PCDH9: variants seen among roughly 807,000 people sequenced by gnomAD.
PCDH9 encodes the protein protocadherin 9.
Under a neutral mutation model 70.6 loss-of-function variants are expected in PCDH9, and 24 were observed. The observed-to-expected ratio is 0.34, with a 90% CI of 0.25 to 0.48. The LOEUF (loss-of-function observed/expected upper bound fraction) is 0.48. PCDH9 is among the 20% of genes least tolerant of loss of function. The pLI, the probability that PCDH9 is intolerant of heterozygous loss-of-function variation, is 0.99. For missense variants in PCDH9, 1,281 were observed against 1,503.6 expected (o/e 0.85, Z 2.45); for synonymous variants, 562 against 558.5 (o/e 1.01, Z -0.09).
chr13:66,975,957 C>A (rs1209969689), intron 2 of PCDH9, among the ~76,000 whole-genome samples: 5 of 151,896 alleles, frequency 3.3e-5, no homozygotes, highest in African/African-American at 1.2e-4. Context: ...TACAGTTAAT[C>A]ACAGAAAACA....
chr13:66,853,341 T>TTCCAAATTTC (rs2139460170), intron 3 of PCDH9, among the ~76,000 whole-genome samples: 1 of 152,136 alleles, frequency 6.6e-6, no homozygotes, highest in Admixed American at 6.5e-5. Flanking sequence ...ACTTCACTCT[T>TTCCAAATTTC]TCCAAATTTC....
chr13:66,919,144 C>T (rs1002989121), intron 2 of PCDH9, among the ~76,000 whole-genome samples: 1 of 151,148 alleles, frequency 6.6e-6, no homozygotes, highest in Non-Finnish European at 1.5e-5. Context: ...TTTAGTATTT[C>T]TCTGGGGAAC....
chr13:67,129,309 T>C (rs548704097), intron 2 of PCDH9, among the ~76,000 whole-genome samples: 1 of 152,212 alleles, frequency 6.6e-6, no homozygotes, highest in African/African-American at 2.4e-5. Context: ...ATTATATTCA[T>C]GGTAATTATG....
chr13:66,410,740 A>T (rs1341214869), intron 4 of PCDH9, among the ~76,000 whole-genome samples: 2 of 152,208 alleles, frequency 1.3e-5, no homozygotes, highest in African/African-American at 2.4e-5. Flanking sequence ...GAATCATTTC[A>T]TTCTTTTTGT....
intron 2 of PCDH9, among the ~76,000 whole-genome samples, chr13:66,969,126 A>C (rs1452960623): frequency 6.6e-6 from 1 of 152,054 alleles, no homozygotes; most frequent in Non-Finnish European, 1.5e-5. Context: ...CAATTTTTTC[A>C]AAATTAAAAA....
Position 66,322,251 on chromosome 13 carries a change from C to T in PCDH9, c.3341-17223G>A, listed in dbSNP as rs149857746. 4.1e-4 allele frequency among the ~76,000 whole-genome samples: 63 copies of T among 152,022 alleles called. No individual in the cohort carries two copies. The East Asian group carries it at 0.012, about 28-fold the overall frequency. Reference sequence around the variant, plus strand: ...CCAAGTGAATGGAGAAAAGCCAAGCCATTCCATTCCCTCTGGTTATCTCAA... The same window carrying T: ...CCAAGTGAATGGAGAAAAGCCAAGCTATTCCATTCCCTCTGGTTATCTCAA... On this transcript the variant is annotated intron_variant, in intron 4 of 4. Coordinates refer to ENST00000377865, the MANE Select transcript of PCDH9 (RefSeq NM_203487.3).
chr13:66,606,317 T>A (rs544829089), intron 4 of PCDH9, among the ~76,000 whole-genome samples: 5 of 152,232 alleles, frequency 3.3e-5, no homozygotes, highest in South Asian at 2.1e-4. Flanking sequence ...GTGCCTCCTG[T>A]GTGTAGGCAT....
chr13:66,544,779 T>C (rs926985190), intron 4 of PCDH9, among the ~76,000 whole-genome samples: 5 of 152,106 alleles, frequency 3.3e-5, no homozygotes, highest in Admixed American at 2.6e-4. Flanking sequence ...TTGTAAACTG[T>C]CATGAGATTG....
chr13:66,846,004 C>A (rs2081201322), intron 3 of PCDH9, among the ~76,000 whole-genome samples: 1 of 151,858 alleles, frequency 6.6e-6, no homozygotes, highest in South Asian at 2.1e-4. Flanking sequence ...ACAATGATAG[C>A]TGATAATGTC....
chr13:66,407,067 T>C (rs886498928), intron 4 of PCDH9, among the ~76,000 whole-genome samples: 12 of 152,190 alleles, frequency 7.9e-5, no homozygotes, highest in African/African-American at 1.4e-4. Flanking sequence ...ATCTCACTTA[T>C]AGTCTAAAAG....
At position 66,837,005 on chromosome 13, in the gene PCDH9, C is replaced by T. The variant is rs77665874; in HGVS notation, c.3138+66499G>A. Among the ~76,000 whole-genome samples the T allele has an allele frequency of 3.9e-3, 589 of 152,266 alleles. 16 individuals are homozygous for T. The East Asian group carries it at 0.039, about 10-fold the overall frequency. ...GTATACGCTAAAAATCAGCACCCTC[C>T]CCATCACCTCTTGTCAGCATCCACA... On this transcript the variant is annotated intron_variant, in intron 3 of 4. Coordinates refer to ENST00000377865, the MANE Select transcript of PCDH9 (RefSeq NM_203487.3).
At chr13:66,618,473 T>C (rs1392574542) in intron 4 of PCDH9, among the ~76,000 whole-genome samples, 3 of 152,190 alleles carry the variant, frequency 2.0e-5, no homozygotes, top group African/African-American at 7.2e-5. Flanking sequence ...TTTGAAACTC[T>C]AGATAATTTT....
At chr13:66,505,887 T>C (rs1959207262) in intron 4 of PCDH9, among the ~76,000 whole-genome samples, 1 of 151,960 alleles carries the variant, frequency 6.6e-6, no homozygotes, top group Admixed American at 6.6e-5. Context: ...GCTCAAGCAA[T>C]CCTCCCTCTT....
intron 4 of PCDH9, among the ~76,000 whole-genome samples, chr13:66,604,299 G>T (rs4884680): frequency 0.95 from 145,121 of 152,070 alleles, 69,635 homozygotes; most frequent in East Asian, 1. Context: ...ACATATGATT[G>T]TTTTATACTG....
At chr13:66,861,900 T>TG (rs1434050280) in intron 3 of PCDH9, among the ~76,000 whole-genome samples, 2 of 152,044 alleles carry the variant, frequency 1.3e-5, no homozygotes, top group Non-Finnish European at 2.9e-5. Context: ...CAAGCCCTTG[T>TG]GGAAAAAAAA....
At chr13:66,779,625 A>G (rs931637868) in intron 3 of PCDH9, among the ~76,000 whole-genome samples, 1 of 152,048 alleles carries the variant, frequency 6.6e-6, no homozygotes, top group Non-Finnish European at 1.5e-5. Context: ...GATTGAGACC[A>G]TCTTAGCCAA....
intron 4 of PCDH9, among the ~76,000 whole-genome samples, chr13:66,363,819 C>G (rs186430662): frequency 6.6e-6 from 1 of 151,262 alleles, no homozygotes; most frequent in South Asian, 2.1e-4. Context: ...CACATTGAGA[C>G]TTGGGATAAT....
At chr13:66,342,641 G>C (rs957528099) in intron 4 of PCDH9, among the ~76,000 whole-genome samples, 1 of 151,756 alleles carries the variant, frequency 6.6e-6, no homozygotes, top group Admixed American at 6.6e-5. Context: ...TTTTCTTTTT[G>C]AGACGGAGTC....
intron 2 of PCDH9, among the ~76,000 whole-genome samples, chr13:67,074,520 T>C (rs1337024853): frequency 4.6e-5 from 7 of 152,124 alleles, no homozygotes; most frequent in African/African-American, 1.7e-4. Context: ...CTCCCCATAA[T>C]AGCAAAGGCT....
Sources: allele counts gnomAD v4.1 joint callset (sites outside exome capture counted in the v4.1 genomes callset), GRCh38; gene constraint gnomAD v4.1.1; transcripts MANE v1.5; gene names NCBI Gene and HGNC (gene_info 2026-07-23, HGNC 2026-07-21).